Variants in SIM1 observed in about 807,000 individuals in gnomAD.
SIM1 encodes the protein SIM bHLH transcription factor 1, also known as single-minded homolog 1.
A neutral mutation model predicts 78.2 loss-of-function variants in SIM1; 18 were observed. The observed-to-expected ratio is 0.23, with a 90% CI of 0.16 to 0.34. SIM1 has a LOEUF of 0.34. Among genes scored for constraint, SIM1 ranks in the 10% least tolerant of loss-of-function variants. SIM1 has a pLI of 1.00. For synonymous variants in SIM1, 417 were observed against 385.2 expected, an observed-to-expected ratio of 1.08 and a Z score of -0.97; for missense variants, 939 against 975.1, an observed-to-expected ratio of 0.96 and a Z score of 0.49.
intron 9 of SIM1, chr6:100,437,129 C>G (rs773808583): frequency 1.6e-4 from 24 of 152,146 alleles, no homozygotes; most frequent in Non-Finnish European, 3.2e-4. Flanking sequence ...AGGGAACGGA[C>G]AATAGACTCT....
chr6:100,415,750 C>A (rs1771382556), intron 10 of SIM1, among the ~76,000 whole-genome samples: 2 of 152,168 alleles, frequency 1.3e-5, no homozygotes, highest in African/African-American at 4.8e-5. Context: ...TAAGTTCCAG[C>A]TCCTTTTCTA....
intron 10 of SIM1, 125 bp downstream of exon 10, chr6:100,420,665 G>T (rs1771553251): frequency 1.0e-5 from 9 of 899,324 alleles, no homozygotes; most frequent in Non-Finnish European, 1.5e-5. Context: ...GAACCTTCCA[G>T]ATTTATAGAA....
At chr6:100,396,110 C>A (rs935449960) in intron 10 of SIM1, 2 of 983,514 alleles carry the variant, frequency 2.0e-6, no homozygotes, top group Admixed American at 1.2e-4. Flanking sequence ...CCCAGACTCT[C>A]TTTTCACAAG....
At chr6:100,391,283 T>G (rs1770634256) in intron 11 of SIM1, among the ~76,000 whole-genome samples, 192 bp from the exon 12 acceptor site, 1 of 152,244 alleles carries the variant, frequency 6.6e-6, no homozygotes, top group South Asian at 2.1e-4. Context: ...CTGTACTGGA[T>G]TCATATAAAA....
At position 100,450,353 on chromosome 6, in the gene SIM1, G is replaced by T. The variant is rs1772476068; in HGVS notation, c.262C>A (p.Leu88Met). The change falls in exon 4 of 12, where the codon CTG becomes ATG. Residue 88 changes from leucine to methionine, a missense_variant. This residue lies in a region of SIM1 where 121 missense variants were observed against 124.6 expected (regional missense o/e 0.97). Coordinates refer to ENST00000369208, the MANE Select transcript of SIM1 (RefSeq NM_005068.3). ...RELGSHLLQTLDGFIFVVAPD... is the reference protein window; with the variant it reads ...RELGSHLLQTMDGFIFVVAPD... Reference sequence around the variant, plus strand: ...GCTACCACGAAGATGAAGCCATCCAGGGTCTGGGGAGGCACAAATAGAGAG... The same window carrying T: ...GCTACCACGAAGATGAAGCCATCCATGGTCTGGGGAGGCACAAATAGAGAG... The T allele has an allele frequency of 2.5e-6, 4 of 1,613,956 alleles. No individual in the cohort carries two copies. In the African/African-American group the frequency reaches 5.3e-5, roughly 22 times the overall value.
At chr6:100,431,768 G>A (rs557146070) in intron 9 of SIM1, among the ~76,000 whole-genome samples, 2 of 152,256 alleles carry the variant, frequency 1.3e-5, no homozygotes, top group South Asian at 4.1e-4. Flanking sequence ...AAGTTCCCTG[G>A]CCATGACGAA....
intron 10 of SIM1, among the ~76,000 whole-genome samples, chr6:100,399,998 C>A (rs1317487317): frequency 1.3e-5 from 2 of 151,752 alleles, no homozygotes; most frequent in Non-Finnish European, 2.9e-5. Flanking sequence ...TTAAAAAAAG[C>A]ATTAAATAAA....
chr6:100,448,733 A>T, intron 6 of SIM1, 55 bp from the exon 7 acceptor site: 1 of 1,487,760 alleles, frequency 6.7e-7, no homozygotes, highest in Non-Finnish European at 9.2e-7. Flanking sequence ...GAGCCCCCAA[A>T]AGGTGGAGAA....
intron 10 of SIM1, among the ~76,000 whole-genome samples, chr6:100,412,683 A>AAGAAAAAGAAAG (rs763796634): frequency 6.5e-5 from 5 of 77,044 alleles, no homozygotes; most frequent in Non-Finnish European, 1.0e-4. Flanking sequence ...GAAAGAAAGA[A>AAGAAAAAGAAAG]AAAGAAAGAA....
At position 100,387,319 on chromosome 6, in the gene SIM1, T is replaced by G. The variant is rs1319648573; in HGVS notation, c.*3042A>C. 1 of 152,124 alleles carries G rather than the reference T, an allele frequency of 6.6e-6. No homozygotes were observed. Among genetic ancestry groups the G allele is most frequent in the Non-Finnish European group, 1.5e-5 (1 of 67,948 alleles). 9.4% of individuals were successfully genotyped at this position (152,124 alleles called of 1,614,324 possible). A position where few individuals can be genotyped will look rare whatever the true frequency, so the allele number is the denominator to read the frequency against. On this transcript the variant is annotated 3_prime_UTR_variant, in exon 12 of 12. Transcript: ENST00000369208. Reference sequence around the variant, plus strand: ...AAACTAAAGCCATATTAAGTTTAACTGATTAAATTATCGGGAACGTAGTTA... The same window carrying G: ...AAACTAAAGCCATATTAAGTTTAACGGATTAAATTATCGGGAACGTAGTTA...
At chr6:100,394,376 G>GT (rs1770720151) in intron 10 of SIM1, among the ~76,000 whole-genome samples, 1 of 152,126 alleles carries the variant, frequency 6.6e-6, no homozygotes, top group Non-Finnish European at 1.5e-5. Flanking sequence ...GAGATTCCAA[G>GT]TAAGTTCCAT....
chr6:100,450,201 C>G, intron 4 of SIM1, 66 bp downstream of exon 4: 4 of 1,387,346 alleles, frequency 2.9e-6, no homozygotes, highest in Non-Finnish European at 4.1e-6. Context: ...CCAACCCAGC[C>G]CCCTACCCCT....
chr6:100,412,807 C>T lies in SIM1; in HGVS notation c.1167+7983G>A, dbSNP rs151193472. On this transcript the variant is annotated intron_variant, in intron 10 of 11. Coordinates refer to ENST00000369208, the MANE Select transcript of SIM1 (RefSeq NM_005068.3). ...AGAGAACGAAGGAAGGAAGGACGGA[C>T]GGACGGAAGGAAGGAAAGTCACAGC... Among the ~76,000 whole-genome samples, 206 of 151,826 alleles carry T rather than the reference C, an allele frequency of 1.4e-3. 1 individual carries two copies. In the East Asian group the frequency reaches 0.032, roughly 24 times the overall value.
At chr6:100,406,362 G>T (rs1211040880) in intron 10 of SIM1, among the ~76,000 whole-genome samples, 7 of 152,098 alleles carry the variant, frequency 4.6e-5, no homozygotes, top group Non-Finnish European at 8.8e-5. Context: ...ACCCCTTGTG[G>T]CAGCTTTGTT....
intron 10 of SIM1, among the ~76,000 whole-genome samples, chr6:100,399,397 C>A (rs1770853038): frequency 6.6e-6 from 1 of 151,938 alleles, no homozygotes; most frequent in South Asian, 2.1e-4. Flanking sequence ...GACAAAATTA[C>A]AGATATGAAG....
At chr6:100,451,484 T>C (rs1416657787) in intron 3 of SIM1, among the ~76,000 whole-genome samples, 1 of 152,226 alleles carries the variant, frequency 6.6e-6, no homozygotes, top group African/African-American at 2.4e-5. Flanking sequence ...ACTAGAGTTC[T>C]AACAGGTTTC....
chr6:100,448,110 A>C, intron 8 of SIM1, 36 bp downstream of exon 8: 1 of 1,546,716 alleles, frequency 6.5e-7, no homozygotes, highest in Non-Finnish European at 8.9e-7. Flanking sequence ...CGGATGCGCC[A>C]AGGTTGCTAG....
At chr6:100,455,367 C>T (rs952405605) in intron 2 of SIM1, among the ~76,000 whole-genome samples, 4 of 152,202 alleles carry the variant, frequency 2.6e-5, no homozygotes, top group African/African-American at 7.2e-5. Context: ...GACTCCACTG[C>T]CCTGGTCCCT....
chr6:100,416,559 T>C (rs1256535902), intron 10 of SIM1, among the ~76,000 whole-genome samples: 1 of 152,130 alleles, frequency 6.6e-6, no homozygotes, highest in South Asian at 2.1e-4. Flanking sequence ...TATGTAAATA[T>C]GTAGATAACA....
Sources: gnomAD v4.1 joint callset for allele counts (sites outside exome capture counted in the v4.1 genomes callset) on GRCh38, gnomAD v4.1.1 for gene constraint, gnomAD v4.1.1 regional missense constraint, MANE v1.5 for transcripts, NCBI Gene and HGNC (gene_info 2026-07-23, HGNC 2026-07-21) for gene names.